BCR: variants seen among roughly 807,000 people sequenced by gnomAD.
BCR encodes the protein breakpoint cluster region protein.
In BCR, 58 loss-of-function variants were observed where a neutral mutation model predicts 138.6. The observed-to-expected ratio is 0.42, with a 90% CI of 0.34 to 0.52. BCR has a LOEUF of 0.52. BCR is among the 20% of genes least tolerant of loss of function. The pLI, the probability that BCR is intolerant of heterozygous loss-of-function variation, is 0.06. For synonymous variants in BCR, 786 were observed against 730.1 expected (o/e 1.08, Z -1.23); for missense variants, 1,599 against 1,727.2 (o/e 0.93, Z 1.32).
At chr22:23,190,885 G>T (rs60054645) in intron 1 of BCR, among the ~76,000 whole-genome samples, 11,695 of 152,084 alleles carry the variant, frequency 0.077, 1,265 homozygotes, top group East Asian at 0.55. Flanking sequence ...TCATTGCTAA[G>T]GTTCTTTCGT....
At chr22:23,238,841 T>C (rs988767175) in intron 1 of BCR, among the ~76,000 whole-genome samples, 19 of 150,822 alleles carry the variant, frequency 1.3e-4, no homozygotes, top group African/African-American at 4.4e-4. Context: ...GAGTGGTTTT[T>C]GTGTGTGTAT....
chr22:23,247,396 T>C (rs954847698), intron 1 of BCR, among the ~76,000 whole-genome samples: 5 of 152,218 alleles, frequency 3.3e-5, no homozygotes, highest in South Asian at 4.1e-4. Flanking sequence ...CTGGAGTTCC[T>C]GCCTCCTCCA....
At chr22:23,254,718 C>T (rs1457317774) in intron 2 of BCR, among the ~76,000 whole-genome samples, 2 of 152,230 alleles carry the variant, frequency 1.3e-5, no homozygotes, top group Non-Finnish European at 2.9e-5. Flanking sequence ...ATGCTCACCC[C>T]TTGCCATTGG....
At chr22:23,226,505 C>T (rs898811605) in intron 1 of BCR, among the ~76,000 whole-genome samples, 6 of 152,178 alleles carry the variant, frequency 3.9e-5, no homozygotes, top group Admixed American at 3.9e-4. Context: ...TGGTGAATTT[C>T]TAAGTCTGTG....
Position 23,255,019 on chromosome 22 carries a change from AC to A in BCR, c.1461+1042del, listed in dbSNP as rs377529157. On this transcript the variant is annotated intron_variant, in intron 2 of 22. Coordinates refer to ENST00000305877, the MANE Select transcript of BCR (RefSeq NM_004327.4). ...ACTCCAGCCTGGGCAACAGAGCAAG[AC>A]CCTATCTTTAAAAATAATAATAAAA... Among the ~76,000 whole-genome samples, 528 of 152,224 alleles carry A rather than the reference AC, an allele frequency of 3.5e-3. 7 individuals are homozygous for A. The highest frequency in any genetic ancestry group is 0.012 in the African/African-American group (505 of 41,532).
intron 1 of BCR, among the ~76,000 whole-genome samples, chr22:23,244,832 TG>T (rs1341474779): frequency 6.6e-6 from 1 of 152,178 alleles, no homozygotes; most frequent in Non-Finnish European, 1.5e-5. Context: ...TCTTCCCAGC[TG>T]GGGTTTCAGC....
intron 10 of BCR, 61 bp from the exon 11 acceptor site, chr22:23,287,098 A>G: frequency 6.4e-7 from 1 of 1,552,258 alleles, no homozygotes; most frequent in Non-Finnish European, 8.7e-7. Context: ...GATGGATGGA[A>G]TGGGAGTGGG....
chr22:23,253,878 G>C lies in BCR; in HGVS notation c.1359G>C (p.Leu453=). Residue 453 remains leucine (L), a synonymous_variant, in exon 2 of 23, where the codon CTG becomes CTC. Coordinates refer to ENST00000305877, the MANE Select transcript of BCR (RefSeq NM_004327.4). ...AGCAGCGCCGGCACCAAGATGGGCTGCCCTACATTGATGACTCGCCCTCCT... is the reference window on the plus strand; with the variant it reads ...AGCAGCGCCGGCACCAAGATGGGCTCCCCTACATTGATGACTCGCCCTCCT... ...AEEQRRHQDG[L]PYIDDSPSSS... 1 of 1,613,254 alleles carries C rather than the reference G, an allele frequency of 6.2e-7. No homozygotes were observed. Among genetic ancestry groups the C allele is most frequent in the Non-Finnish European group, 8.5e-7 (1 of 1,180,002 alleles).
chr22:23,295,149 G>A lies in BCR; in HGVS notation c.3006G>A (p.Gln1002=), dbSNP rs960216057. The change falls in exon 16 of 23, where the codon CAG becomes CAA. Residue 1002 remains glutamine, a synonymous_variant. Coordinates refer to ENST00000305877, the MANE Select transcript of BCR (RefSeq NM_004327.4). Reference sequence around the variant, plus strand: ...CGGACAGACTCATGGGGAAGGGCCAGGTCCAGGTGAGGCAGCCATCCCTAC... The same window carrying A: ...CGGACAGACTCATGGGGAAGGGCCAAGTCCAGGTGAGGCAGCCATCCCTAC... ...ESTDRLMGKG[Q]VQLDPQALQD... is the part of the protein sequence containing the mutation. 6 of 1,613,924 alleles carry A rather than the reference G, an allele frequency of 3.7e-6. No homozygotes were observed. Among genetic ancestry groups the A allele is most frequent in the Admixed American group, 3.3e-5 (2 of 59,996 alleles).
At chr22:23,314,816 G>A in intron 22 of BCR, 102 bp downstream of exon 22, 1 of 1,437,002 alleles carries the variant, frequency 7.0e-7, no homozygotes, top group South Asian at 1.2e-5. Flanking sequence ...TGCATTGTAT[G>A]TGGTGTGGCC....
In BCR at chr22:23,268,473, G is replaced by A; in HGVS notation, c.1818G>A (p.Glu606=). The part of the protein sequence containing the change: ...DNYGVAMEMA[E]KCCQANAQFA... Reference sequence around the variant, plus strand: ...ACGGAGTTGCCATGGAAATGGCTGAGAAGTGCTGTCAGGCCAATGCTCAGT... The same window carrying A: ...ACGGAGTTGCCATGGAAATGGCTGAAAAGTGCTGTCAGGCCAATGCTCAGT... Residue 606 remains glutamate, a synonymous_variant, in exon 5 of 23, where the codon GAG becomes GAA. Coordinates refer to ENST00000305877, the MANE Select transcript of BCR (RefSeq NM_004327.4). 2 of 1,614,038 alleles carry A rather than the reference G, an allele frequency of 1.2e-6. No individual in the cohort carries two copies. The highest frequency in any genetic ancestry group is 1.7e-6 in the Non-Finnish European group (2 of 1,179,936).
At chr22:23,217,730 G>A (rs1366870370) in intron 1 of BCR, among the ~76,000 whole-genome samples, 1 of 152,238 alleles carries the variant, frequency 6.6e-6, no homozygotes. Context: ...TTCTCTGTAA[G>A]TTTGTAAATG....
intron 1 of BCR, among the ~76,000 whole-genome samples, chr22:23,200,513 C>T (rs530055124): frequency 1.1e-3 from 171 of 151,886 alleles, no homozygotes; most frequent in Non-Finnish European, 2.1e-3. Context: ...GACAAGGTTT[C>T]ACTATGTTGC....
At chr22:23,200,181 A>T (rs2072536038) in intron 1 of BCR, among the ~76,000 whole-genome samples, 1 of 152,008 alleles carries the variant, frequency 6.6e-6, no homozygotes, top group Non-Finnish European at 1.5e-5. Flanking sequence ...CCTCCTAGGG[A>T]ACATCCTCAG....
chr22:23,266,686 C>T (rs950394576), intron 4 of BCR, among the ~76,000 whole-genome samples: 9 of 152,240 alleles, frequency 5.9e-5, no homozygotes, highest in African/African-American at 2.2e-4. Flanking sequence ...GCCCAGACAA[C>T]CTTGACATTT....
intron 1 of BCR, among the ~76,000 whole-genome samples, chr22:23,238,370 C>T (rs1222137732): frequency 6.6e-6 from 1 of 152,106 alleles, no homozygotes; most frequent in Admixed American, 6.5e-5. Context: ...GTGCCACCTC[C>T]CGGTCTGTTC....
intron 1 of BCR, among the ~76,000 whole-genome samples, chr22:23,205,756 T>A (rs913311179): frequency 3.9e-5 from 6 of 152,098 alleles, no homozygotes; most frequent in African/African-American, 1.4e-4. Flanking sequence ...AAATCGATGC[T>A]ACTTTGTGGA....
chr22:23,244,881 A>C (rs1253121636), intron 1 of BCR, among the ~76,000 whole-genome samples: 7 of 152,160 alleles, frequency 4.6e-5, no homozygotes, highest in Admixed American at 4.6e-4. Context: ...CCCCAACCTG[A>C]AGCCTAGAGC....
chr22:23,288,331 C>G (rs2073741652), intron 12 of BCR, among the ~76,000 whole-genome samples, 159 bp downstream of exon 12: 1 of 152,094 alleles, frequency 6.6e-6, no homozygotes. Flanking sequence ...CGACAGCCAT[C>G]CCGATAGGCC....
Sources: gnomAD v4.1 joint callset for allele counts (sites outside exome capture counted in the v4.1 genomes callset) on GRCh38, gnomAD v4.1.1 for gene constraint, MANE v1.5 for transcripts, NCBI Gene and HGNC (gene_info 2026-07-23, HGNC 2026-07-21) for gene names.